Variants in CYTH3 observed in about 807,000 individuals in gnomAD.
CYTH3 encodes the protein cytohesin-3.
Under a neutral mutation model 55.1 loss-of-function variants are expected in CYTH3, and 23 were observed. That is an observed-to-expected ratio of 0.42 (90% CI 0.30 to 0.59). The LOEUF is 0.59. Among genes scored for constraint, CYTH3 ranks in the 20% least tolerant of loss-of-function variants. The probability of loss-of-function intolerance (pLI) is 0.20; values close to 1 mark genes in which losing one functional copy is unlikely to be tolerated. For missense variants in CYTH3, 413 were observed against 524.8 expected (o/e 0.79, Z 2.08); for synonymous variants, 249 against 194.9 (o/e 1.28, Z -2.31).
intron 1 of CYTH3, among the ~76,000 whole-genome samples, chr7:6,211,355 G>A (rs989750729): frequency 3.9e-5 from 6 of 152,266 alleles, no homozygotes; most frequent in African/African-American, 1.4e-4. Context: ...AGAACAGAAT[G>A]ATGGCTGAAT....
chr7:6,215,357 G>T (rs147048108), intron 1 of CYTH3, among the ~76,000 whole-genome samples: 1 of 152,144 alleles, frequency 6.6e-6, no homozygotes, highest in East Asian at 1.9e-4. Context: ...TTGGGATGCC[G>T]AGGCGGGCGG....
At chr7:6,244,274 G>A (rs932836350) in intron 1 of CYTH3, among the ~76,000 whole-genome samples, 7 of 152,154 alleles carry the variant, frequency 4.6e-5, no homozygotes, top group African/African-American at 1.7e-4. Context: ...TATTCATCTA[G>A]AGTCAGGATT....
intron 1 of CYTH3, among the ~76,000 whole-genome samples, chr7:6,215,366 G>A (rs1022645984): frequency 8.5e-5 from 13 of 152,086 alleles, no homozygotes; most frequent in Non-Finnish European, 1.9e-4. Context: ...CGAGGCGGGC[G>A]GATCACGAGG....
Position 6,201,909 on chromosome 7 carries a change from G to C in CYTH3, c.35-11378C>G, listed in dbSNP as rs1784066306. Reference sequence around the variant, plus strand: ...GAAAAAATAATCCAAAAAAAGGCAAGGAAAGAGAAAGAGAAACACAGAACA... The same window carrying C: ...GAAAAAATAATCCAAAAAAAGGCAACGAAAGAGAAAGAGAAACACAGAACA... On this transcript the variant is annotated intron_variant, in intron 1 of 12. Transcript: ENST00000350796. Among the ~76,000 whole-genome samples, 3 of 152,132 alleles carry C rather than the reference G, an allele frequency of 2.0e-5. No homozygotes were observed. In the South Asian group the frequency reaches 6.2e-4, roughly 32 times the overall value.
At chr7:6,172,714 AC>A in intron 6 of CYTH3, 1 of 1,128,026 alleles carries the variant, frequency 8.9e-7, no homozygotes, top group Non-Finnish European at 1.1e-6. Context: ...CGCACCAGAC[AC>A]CCCTCCCAGA....
At chr7:6,193,438 A>C (rs1209372184) in intron 1 of CYTH3, among the ~76,000 whole-genome samples, 1 of 152,202 alleles carries the variant, frequency 6.6e-6, no homozygotes, top group Non-Finnish European at 1.5e-5. Context: ...TAGCAATTTA[A>C]AAAACTCAAA....
intron 1 of CYTH3, among the ~76,000 whole-genome samples, chr7:6,208,863 G>T (rs777831469): frequency 6.6e-6 from 1 of 152,150 alleles, no homozygotes; most frequent in South Asian, 2.1e-4. Context: ...TTATAACATG[G>T]TCTAAAGATC....
intron 1 of CYTH3, among the ~76,000 whole-genome samples, chr7:6,268,889 A>C (rs1260317072): frequency 1.3e-5 from 2 of 152,206 alleles, no homozygotes; most frequent in Non-Finnish European, 2.9e-5. Flanking sequence ...AGGAAATGAT[A>C]ATACAAAGAT....
intron 4 of CYTH3, among the ~76,000 whole-genome samples, chr7:6,185,921 T>C (rs1011180296): frequency 1.3e-5 from 2 of 151,936 alleles, no homozygotes; most frequent in Non-Finnish European, 1.5e-5. Flanking sequence ...AGAGGCTCAA[T>C]GCCAGAAAAG....
chr7:6,220,346 G>T (rs1209368351), intron 1 of CYTH3, among the ~76,000 whole-genome samples: 2 of 151,986 alleles, frequency 1.3e-5, no homozygotes, highest in African/African-American at 4.8e-5. Flanking sequence ...TTAACTCAAA[G>T]TAGACCATAA....
At chr7:6,253,740 C>T (rs577598985) in intron 1 of CYTH3, among the ~76,000 whole-genome samples, 25 of 151,996 alleles carry the variant, frequency 1.6e-4, no homozygotes, top group African/African-American at 6.0e-4. Flanking sequence ...CACTTGAACC[C>T]GGGAGGCGGA....
chr7:6,179,682 ACACCC>A (rs1783434359), intron 4 of CYTH3, among the ~76,000 whole-genome samples: 1 of 70,050 alleles, frequency 1.4e-5, no homozygotes, highest in African/African-American at 8.0e-5. Context: ...CACACCACAC[ACACCC>A]CCCCACACAC....
intron 1 of CYTH3, among the ~76,000 whole-genome samples, chr7:6,261,613 G>A (rs1006193106): frequency 2.0e-5 from 3 of 150,074 alleles, no homozygotes; most frequent in Non-Finnish European, 4.4e-5. Flanking sequence ...CTACTTGGGA[G>A]GCTGAGGTAG....
intron 4 of CYTH3, among the ~76,000 whole-genome samples, chr7:6,179,702 C>A (rs1256355058): frequency 2.0e-5 from 2 of 99,046 alleles, no homozygotes; most frequent in Non-Finnish European, 2.0e-5. Context: ...ACACACACAC[C>A]CCACACACAC....
At chr7:6,247,683 G>A (rs995783021) in intron 1 of CYTH3, among the ~76,000 whole-genome samples, 5 of 151,918 alleles carry the variant, frequency 3.3e-5, no homozygotes, top group South Asian at 4.2e-4. Context: ...AGGGTCTGTC[G>A]CCCAGGCTGG....
At chr7:6,272,408 T>TCGGGGGG in intron 1 of CYTH3, 66 bp downstream of exon 1, 1 of 1,207,032 alleles carries the variant, frequency 8.3e-7, no homozygotes, top group Non-Finnish European at 1.1e-6. Context: ...CGCCGCGCCC[T>TCGGGGGG]CGACCCCCAG....
chr7:6,259,773 T>TA (rs1491421329), intron 1 of CYTH3, among the ~76,000 whole-genome samples: 1 of 22,306 alleles, frequency 4.5e-5, no homozygotes, highest in Non-Finnish European at 5.9e-5. Context: ...ATATATATAT[T>TA]ATATATATAT....
intron 1 of CYTH3, among the ~76,000 whole-genome samples, chr7:6,219,350 G>C (rs1056939983): frequency 3.3e-5 from 5 of 152,204 alleles, no homozygotes; most frequent in African/African-American, 9.6e-5. Flanking sequence ...ATGCAGAAGA[G>C]AGAAATTAAG....
chr7:6,173,167 G>T, intron 6 of CYTH3: 1 of 668,108 alleles, frequency 1.5e-6, no homozygotes, highest in Non-Finnish European at 1.9e-6. Context: ...TGCTTGCAGA[G>T]CAGGAGGAAG....
Sources: allele counts gnomAD v4.1 joint callset (sites outside exome capture counted in the v4.1 genomes callset), GRCh38; gene constraint gnomAD v4.1.1; transcripts MANE v1.5; gene names NCBI Gene and HGNC (gene_info 2026-07-23, HGNC 2026-07-21).